The following ENTREP2 variants were observed in gnomAD, a reference collection of about 807,000 sequenced individuals.
ENTREP2 encodes endosomal transmembrane epsin interactor 2.
chr15:29,386,772 A>G, the ENTREP2 span, among the ~76,000 whole-genome samples: 16 of 152,206 alleles, frequency 1.1e-4, no homozygotes, highest in Non-Finnish European at 1.9e-4. Context: ...CCGCACACAC[A>G]CAATGAGGCA....
chr15:29,576,220 T>A, the ENTREP2 span, among the ~76,000 whole-genome samples: 1 of 152,206 alleles, frequency 6.6e-6, no homozygotes, highest in Non-Finnish European at 1.5e-5. Context: ...GCCAAGTTCA[T>A]TCAATGGGAG....
the ENTREP2 span, among the ~76,000 whole-genome samples, chr15:29,617,080 A>C: frequency 6.6e-6 from 1 of 152,134 alleles, no homozygotes; most frequent in Non-Finnish European, 1.5e-5. Context: ...AAAAATAAAT[A>C]AATAAATAAG....
At chr15:29,149,200 A>T in the ENTREP2 span, among the ~76,000 whole-genome samples, 1 of 152,108 alleles carries the variant, frequency 6.6e-6, no homozygotes. Context: ...ATTTATCGCA[A>T]CCGCCATAGT....
the ENTREP2 span, among the ~76,000 whole-genome samples, chr15:29,647,954 T>A: frequency 6.6e-6 from 1 of 152,138 alleles, no homozygotes; most frequent in Non-Finnish European, 1.5e-5. Context: ...AAGCAATGGA[T>A]TCCCAGTTTT....
chr15:29,490,585 A>G, the ENTREP2 span, among the ~76,000 whole-genome samples: 2 of 152,194 alleles, frequency 1.3e-5, no homozygotes, highest in African/African-American at 4.8e-5. Context: ...GTGCGTTTAC[A>G]ATCGCTGACC....
chr15:29,321,542 G>A, the ENTREP2 span, among the ~76,000 whole-genome samples: 1 of 151,644 alleles, frequency 6.6e-6, no homozygotes, highest in Admixed American at 6.6e-5. Flanking sequence ...CCAGGTACTC[G>A]GGAGGCTGAG....
the ENTREP2 span, among the ~76,000 whole-genome samples, chr15:29,138,699 A>G: frequency 7.9e-5 from 7 of 88,356 alleles, no homozygotes; most frequent in East Asian, 1.4e-3. Flanking sequence ...ATGTGTGTGT[A>G]TGCGTGTGTG....
At chr15:29,159,603 C>T in the ENTREP2 span, among the ~76,000 whole-genome samples, 1 of 152,080 alleles carries the variant, frequency 6.6e-6, no homozygotes, top group Non-Finnish European at 1.5e-5. Flanking sequence ...TTTATAATTC[C>T]TGAGCTAGAC....
chr15:29,530,956 T>C, the ENTREP2 span, among the ~76,000 whole-genome samples: 1 of 152,112 alleles, frequency 6.6e-6, no homozygotes, highest in Non-Finnish European at 1.5e-5. Flanking sequence ...ATTTCAAGGT[T>C]CAAATGCAGA....
chr15:29,316,354 G>A, the ENTREP2 span, among the ~76,000 whole-genome samples: 27 of 152,148 alleles, frequency 1.8e-4, no homozygotes, highest in Admixed American at 8.5e-4. Context: ...AAAGAAGAGA[G>A]ACAGAGAGAC....
chr15:29,173,055 G>T, the ENTREP2 span, among the ~76,000 whole-genome samples: 1 of 152,186 alleles, frequency 6.6e-6, no homozygotes, highest in Non-Finnish European at 1.5e-5. Context: ...TTTCTCTGCA[G>T]ACCAGCCCCC....
the ENTREP2 span, among the ~76,000 whole-genome samples, chr15:29,128,606 G>A: frequency 6.6e-6 from 1 of 152,112 alleles, no homozygotes; most frequent in Admixed American, 6.5e-5. Context: ...AGGAAGAAAT[G>A]TGGGGATATA....
the ENTREP2 span, among the ~76,000 whole-genome samples, chr15:29,322,284 C>A: frequency 6.6e-6 from 1 of 152,058 alleles, no homozygotes; most frequent in South Asian, 2.1e-4. Context: ...GTTAAGAACA[C>A]TTAAAATATA....
At chr15:29,557,771 C>T in the ENTREP2 span, among the ~76,000 whole-genome samples, 17 of 152,268 alleles carry the variant, frequency 1.1e-4, no homozygotes, top group African/African-American at 3.4e-4. Context: ...GGGAGGTGCC[C>T]GTTCTCCCCT....
At chr15:29,664,137 G>A in the ENTREP2 span, among the ~76,000 whole-genome samples, 1 of 151,894 alleles carries the variant, frequency 6.6e-6, no homozygotes, top group East Asian at 1.9e-4. Flanking sequence ...ATTCCTTTGT[G>A]CTATAAACGT....
the ENTREP2 span, among the ~76,000 whole-genome samples, chr15:29,645,488 T>G: frequency 3.3e-5 from 5 of 152,188 alleles, no homozygotes; most frequent in Non-Finnish European, 1.5e-5. Context: ...CTCACCAAAG[T>G]TGCCACATTA....
the ENTREP2 span, among the ~76,000 whole-genome samples, chr15:29,557,836 C>A: frequency 6.6e-6 from 1 of 152,194 alleles, no homozygotes; most frequent in Non-Finnish European, 1.5e-5. Flanking sequence ...TGGGAACTCT[C>A]AGGAATTGTC....
chr15:29,605,212 T>TG, the ENTREP2 span, among the ~76,000 whole-genome samples: 1 of 152,190 alleles, frequency 6.6e-6, no homozygotes, highest in African/African-American at 2.4e-5. Context: ...GCAAAGAGAT[T>TG]GTCAGGCTCT....
chr15:29,483,293 C>T, the ENTREP2 span, among the ~76,000 whole-genome samples: 10 of 152,268 alleles, frequency 6.6e-5, no homozygotes, highest in South Asian at 2.1e-3. Context: ...TCTTTTCATT[C>T]TCTTGACACT....
Sources: allele counts gnomAD v4.1 joint callset (sites outside exome capture counted in the v4.1 genomes callset), GRCh38; gene constraint gnomAD v4.1.1; transcripts MANE v1.5; gene names NCBI Gene and HGNC (gene_info 2026-07-23, HGNC 2026-07-21).